The following TRANK1 variants were observed in gnomAD, a reference collection of about 807,000 sequenced individuals.
TRANK1 encodes tetratricopeptide repeat and ankyrin repeat containing 1.
A neutral mutation model predicts 266.0 loss-of-function variants in TRANK1; 198 were observed. That is an observed-to-expected ratio of 0.74 (90% confidence interval 0.66 to 0.84). The LOEUF (loss-of-function observed/expected upper bound fraction) is 0.84. TRANK1 is among the 40% of genes least tolerant of loss of function. TRANK1 has a pLI of 0.00. For synonymous variants in TRANK1, 1,396 were observed against 1,384.1 expected, an observed-to-expected ratio of 1.01 and a Z score of -0.19; for missense variants, 3,326 against 3,634.6, an observed-to-expected ratio of 0.92 and a Z score of 2.18.
At chr3:36,886,422 T>A (rs1170725970) in intron 8 of TRANK1, among the ~76,000 whole-genome samples, 1 of 152,070 alleles carries the variant, frequency 6.6e-6, no homozygotes, top group African/African-American at 2.4e-5. Context: ...GCCCTCTCTT[T>A]ACGTTTTATC....
Position 36,833,746 on chromosome 3 carries a change from C to T in TRANK1, c.5837G>A (p.Arg1946Gln), listed in dbSNP as rs372589106. Residue 1946 changes from arginine to glutamine, a missense_variant, in exon 22 of 24, where the codon CGG becomes CAG. Physicochemically the swap from Arg to Gln is conservative, Grantham distance 43. Coordinates refer to ENST00000645898, the MANE Select transcript of TRANK1 (RefSeq NM_001329998.2). Reference sequence around the variant, plus strand: ...GTCTGCAGCTTCTGCTAAGCGTTTCCGAGACTTCAAGAACACCAGCTGGTC... The same window carrying T: ...GTCTGCAGCTTCTGCTAAGCGTTTCTGAGACTTCAAGAACACCAGCTGGTC... ...IEDQLVFLKS[R>Q]KRLAEAADLL... The T allele has an allele frequency of 9.3e-5, 150 of 1,613,846 alleles. No homozygotes were observed. Among genetic ancestry groups the T allele is most frequent in the Admixed American group, 2.7e-4 (16 of 59,996 alleles).
At chr3:36,885,622 A>G (rs1368569323) in intron 8 of TRANK1, among the ~76,000 whole-genome samples, 1 of 152,144 alleles carries the variant, frequency 6.6e-6, no homozygotes, top group East Asian at 1.9e-4. Context: ...GCAGGCTCAA[A>G]CTCCTGGGCT....
intron 4 of TRANK1, among the ~76,000 whole-genome samples, chr3:36,897,940 A>G (rs941668819): frequency 6.6e-6 from 1 of 152,192 alleles, no homozygotes; most frequent in African/African-American, 2.4e-5. Flanking sequence ...AGGCCAGGCC[A>G]TTAGAGTAGT....
In TRANK1 at chr3:36,856,361, C is replaced by T; in HGVS notation, c.3361G>A (p.Val1121Met). The T allele has an allele frequency of 1.3e-6, 2 of 1,582,120 alleles. No homozygotes were observed. The highest frequency in any genetic ancestry group is 1.3e-5 in the African/African-American group (1 of 74,256). Residue 1121 changes from valine to methionine, a missense_variant, in exon 13 of 24, where the codon GTG becomes ATG. By Grantham distance (21) the Val-to-Met change is conservative. Coordinates refer to ENST00000645898, the MANE Select transcript of TRANK1 (RefSeq NM_001329998.2). Reference protein sequence around the residue: ...KQVWLKRRLEVEPGKESPGGE... With the variant: ...KQVWLKRRLEMEPGKESPGGE... ...CCTGGACTCTCTTTTCCGGGTTCCACTTCCAACCTTCTCTTCAGCCAGACC... is the reference window on the plus strand; with the variant it reads ...CCTGGACTCTCTTTTCCGGGTTCCATTTCCAACCTTCTCTTCAGCCAGACC...
intron 17 of TRANK1, among the ~76,000 whole-genome samples, chr3:36,845,834 G>T (rs1034191394): frequency 1.3e-5 from 2 of 152,122 alleles, no homozygotes; most frequent in Non-Finnish European, 2.9e-5. Flanking sequence ...GCATACTTAC[G>T]CAGGTATCTT....
intron 11 of TRANK1, 147 bp downstream of exon 11, chr3:36,860,759 T>A (rs1435378411): frequency 8.1e-7 from 1 of 1,231,058 alleles, no homozygotes; most frequent in Non-Finnish European, 1.1e-6. Flanking sequence ...CCTCCATCAC[T>A]GTTTCAAAAC....
At chr3:36,868,181 A>G (rs961001659) in intron 9 of TRANK1, among the ~76,000 whole-genome samples, 1 of 152,240 alleles carries the variant, frequency 6.6e-6, no homozygotes, top group African/African-American at 2.4e-5. Context: ...AAATGTATAT[A>G]TAGCTCACAT....
rs190078002 is a variant in TRANK1 at position 36,879,615 on chromosome 3, C to T, written c.908-5319G>A. ...AAATATATAAATATATATAAATATA[C>T]AAATATATATAAATATATATAAATA... On this transcript the variant is annotated intron_variant, in intron 8 of 23. Coordinates refer to ENST00000645898, the MANE Select transcript of TRANK1 (RefSeq NM_001329998.2). Among the ~76,000 whole-genome samples, 99 of 54,762 alleles carry T rather than the reference C, an allele frequency of 1.8e-3. 25 individuals are homozygous for T. The highest frequency in any genetic ancestry group is 8.2e-3 in the African/African-American group (67 of 8,200). 35.9% of individuals were successfully genotyped at this position (54,762 alleles called of 152,430 possible). A position where few individuals can be genotyped will look rare whatever the true frequency, so the allele number is the denominator to read the frequency against.
In TRANK1 at chr3:36,944,915, C is replaced by T; in HGVS notation, c.-106G>A. On this transcript the variant is annotated 5_prime_UTR_variant, in exon 1 of 24. Transcript: ENST00000645898. ...CGGAAGCCCGAAAGCTACCGGAGCCCGGGGCAGGGGCGGCGCGATGCAGAG... is the reference window on the plus strand; with the variant it reads ...CGGAAGCCCGAAAGCTACCGGAGCCTGGGGCAGGGGCGGCGCGATGCAGAG... 1.9e-5 allele frequency: 23 copies of T among 1,218,858 alleles called. No homozygotes were observed. The highest frequency in any genetic ancestry group is 2.4e-5 in the Non-Finnish European group (23 of 939,090). The allele number at this position is 1,218,858 out of a possible 1,614,324, so 75.5% of individuals were successfully genotyped here.
chr3:36,915,428 A>G (rs1575311307), intron 1 of TRANK1, among the ~76,000 whole-genome samples: 1 of 152,170 alleles, frequency 6.6e-6, no homozygotes, highest in East Asian at 1.9e-4. Context: ...TTTGAACTAT[A>G]TGTTATTGTT....
chr3:36,828,938 G>T (rs549616339), intron 23 of TRANK1, among the ~76,000 whole-genome samples: 3 of 152,202 alleles, frequency 2.0e-5, no homozygotes, highest in Non-Finnish European at 4.4e-5. Flanking sequence ...GGCATCTGCG[G>T]TTGATGAAAT....
intron 1 of TRANK1, among the ~76,000 whole-genome samples, chr3:36,931,034 C>G (rs1214793800): frequency 6.6e-6 from 1 of 152,018 alleles, no homozygotes; most frequent in Non-Finnish European, 1.5e-5. Flanking sequence ...AGACATTCAG[C>G]AATACCTAAC....
intron 15 of TRANK1, among the ~76,000 whole-genome samples, chr3:36,849,767 C>T (rs1009122812): frequency 3.9e-5 from 6 of 152,192 alleles, no homozygotes; most frequent in African/African-American, 1.4e-4. Flanking sequence ...TGACTGACTC[C>T]CTTTGGCCTG....
intron 20 of TRANK1, among the ~76,000 whole-genome samples, chr3:36,835,882 G>C (rs1174251098): frequency 6.6e-6 from 1 of 152,066 alleles, no homozygotes; most frequent in Non-Finnish European, 1.5e-5. Flanking sequence ...ACTAGACTGG[G>C]CCTGTCTAGA....
chr3:36,936,782 C>G (rs1272171819), intron 1 of TRANK1, among the ~76,000 whole-genome samples: 1 of 152,070 alleles, frequency 6.6e-6, no homozygotes, highest in East Asian at 1.9e-4. Context: ...TAAAACCAAG[C>G]CAGGAAAATG....
chr3:36,925,466 G>A (rs1284875558), intron 1 of TRANK1, among the ~76,000 whole-genome samples: 7 of 151,912 alleles, frequency 4.6e-5, no homozygotes, highest in African/African-American at 1.7e-4. Context: ...CAACTAGAAT[G>A]TAAACATTGG....
At chr3:36,846,223 T>A (rs781703867) in intron 17 of TRANK1, 25 bp downstream of exon 17, 3 of 1,550,204 alleles carry the variant, frequency 1.9e-6, no homozygotes, top group Non-Finnish European at 2.6e-6. Context: ...CTCCATCAGT[T>A]AAGAGTATTT....
intron 1 of TRANK1, among the ~76,000 whole-genome samples, 184 bp downstream of exon 1, chr3:36,944,603 C>A (rs2080545786): frequency 6.6e-6 from 1 of 152,174 alleles, no homozygotes; most frequent in African/African-American, 2.4e-5. Context: ...CCCCCGCGAC[C>A]GACCCCGCGC....
rs549124459 is a variant in TRANK1, at chr3:36,841,126, C to T, written c.5280+1496G>A. ...CCTGAACTTGTGATTTCATTGTCCT[C>T]ATCACTTCCCAGAACCTTTACTCAG... is the stretch of plus-strand genomic sequence containing the variant. On this transcript the variant is annotated intron_variant, in intron 18 of 23. Transcript: ENST00000645898. Among the ~76,000 whole-genome samples the T allele has an allele frequency of 2.6e-5, 4 of 152,206 alleles. No homozygotes were observed. The South Asian group carries it at 6.2e-4, about 24-fold the overall frequency.
Sources: allele counts gnomAD v4.1 joint callset (sites outside exome capture counted in the v4.1 genomes callset), GRCh38; gene constraint gnomAD v4.1.1; transcripts MANE v1.5; gene names NCBI Gene and HGNC (gene_info 2026-07-23, HGNC 2026-07-21).